MAGI2: variants seen among roughly 807,000 people sequenced by gnomAD.
MAGI2 encodes the protein membrane associated guanylate kinase, WW and PDZ domain containing 2.
Under a neutral mutation model 133.3 loss-of-function variants are expected in MAGI2, and 35 were observed. The ratio of observed to expected loss-of-function variants is 0.26; its 90% CI spans 0.20 to 0.35. The LOEUF (loss-of-function observed/expected upper bound fraction) is 0.35. Ranked by LOEUF, MAGI2 falls within the 10% of genes least tolerant of loss-of-function variation. The pLI is 1.00. For synonymous variants in MAGI2, 729 were observed against 710.6 expected (o/e 1.03, Z -0.41); for missense variants, 1,636 against 1,863.4 (o/e 0.88, Z 2.25).
chr7:78,567,636 C>T (rs1266330445), intron 3 of MAGI2, among the ~76,000 whole-genome samples: 1 of 152,124 alleles, frequency 6.6e-6, no homozygotes, highest in East Asian at 1.9e-4. Flanking sequence ...TTCTCTCTCT[C>T]CCCTACTCAA....
chr7:78,496,574 T>C lies in MAGI2; in HGVS notation c.965+5003A>G, dbSNP rs932564215. On this transcript the variant is annotated intron_variant, in intron 5 of 21. Coordinates refer to ENST00000354212, the MANE Select transcript of MAGI2 (RefSeq NM_012301.4). ...TATAAAACAAATACTATTTGTAATA[T>C]AAAAGTTTACTTTTTTTCTCAGCCA... Among the ~76,000 whole-genome samples, 4 of 152,216 alleles carry C rather than the reference T, an allele frequency of 2.6e-5. No homozygotes were observed. The South Asian group carries it at 6.2e-4, about 24-fold the overall frequency.
chr7:78,789,937 A>T (rs1172900873), intron 2 of MAGI2, among the ~76,000 whole-genome samples: 1 of 152,202 alleles, frequency 6.6e-6, no homozygotes, highest in African/African-American at 2.4e-5. Context: ...TTTGAGAGGC[A>T]GAAATGGACA....
In MAGI2 at chr7:79,361,899, T is replaced by C. The variant is rs755320685; in HGVS notation, c.301+91121A>G. Among the ~76,000 whole-genome samples, 7 of 151,698 alleles carry C rather than the reference T, an allele frequency of 4.6e-5. No individual in the cohort carries two copies. In the South Asian group the frequency reaches 1.5e-3, roughly 32 times the overall value. ...TAAATGAAAACAAAAACATAACATA[T>C]AAAAATATATGGGAAGCAGCTAAGG... On this transcript the variant is annotated intron_variant, in intron 1 of 21. Transcript: ENST00000354212.
intron 2 of MAGI2, among the ~76,000 whole-genome samples, chr7:78,758,796 T>C (rs190258061): frequency 7.9e-5 from 12 of 152,326 alleles, no homozygotes; most frequent in Admixed American, 3.3e-4. Context: ...TCTTCTACAA[T>C]TGAAAGAGTA....
chr7:78,895,720 T>A (rs1797161872), intron 2 of MAGI2, among the ~76,000 whole-genome samples: 1 of 152,188 alleles, frequency 6.6e-6, no homozygotes, highest in Non-Finnish European at 1.5e-5. Flanking sequence ...ATCTGCATAT[T>A]CAAAAGGTTG....
At chr7:79,229,951 C>A (rs1451983981) in intron 1 of MAGI2, among the ~76,000 whole-genome samples, 3 of 112,472 alleles carry the variant, frequency 2.7e-5, no homozygotes, top group Non-Finnish European at 3.5e-5. Context: ...CCCCTCCCCC[C>A]ACCCTCACAG....
At chr7:78,916,539 C>T (rs1798810371) in intron 2 of MAGI2, among the ~76,000 whole-genome samples, 1 of 151,982 alleles carries the variant, frequency 6.6e-6, no homozygotes, top group Non-Finnish European at 1.5e-5. Flanking sequence ...AGTAAATTCA[C>T]CCTATTTGAG....
At chr7:78,117,695 A>G (rs1434096641) in intron 20 of MAGI2, among the ~76,000 whole-genome samples, 1 of 152,174 alleles carries the variant, frequency 6.6e-6, no homozygotes, top group Non-Finnish European at 1.5e-5. Context: ...AAGAAATAAA[A>G]GGACTTAAAG....
At chr7:78,585,153 G>A (rs1803267729) in intron 3 of MAGI2, among the ~76,000 whole-genome samples, 1 of 152,110 alleles carries the variant, frequency 6.6e-6, no homozygotes, top group South Asian at 2.1e-4. Context: ...AATGATTTTT[G>A]TATATAGTTT....
At chr7:78,175,692 A>C (rs1461037644) in intron 14 of MAGI2, among the ~76,000 whole-genome samples, 1 of 152,126 alleles carries the variant, frequency 6.6e-6, no homozygotes, top group Non-Finnish European at 1.5e-5. Context: ...ACATTTGGCA[A>C]ACTTATTTCA....
intron 2 of MAGI2, among the ~76,000 whole-genome samples, chr7:78,966,237 CAGAATTGTTA>C (rs1465221282): frequency 1.3e-5 from 2 of 152,100 alleles, no homozygotes; most frequent in Non-Finnish European, 2.9e-5. Context: ...GTGTGCAAGG[CAGAATTGTTA>C]ACTATATTTA....
intron 1 of MAGI2, among the ~76,000 whole-genome samples, chr7:79,280,781 C>T (rs1835576022): frequency 6.6e-6 from 1 of 151,496 alleles, no homozygotes; most frequent in Admixed American, 6.6e-5. Flanking sequence ...CAAACATAGC[C>T]AGGCATGGTG....
At chr7:79,308,852 T>C (rs1434410376) in intron 1 of MAGI2, among the ~76,000 whole-genome samples, 5 of 152,102 alleles carry the variant, frequency 3.3e-5, no homozygotes, top group Non-Finnish European at 7.4e-5. Context: ...AATCAGAAAA[T>C]AGTAGAAACA....
chr7:78,931,997 GCAAAA>G (rs1175873093), intron 2 of MAGI2, among the ~76,000 whole-genome samples: 324 of 125,370 alleles, frequency 2.6e-3, no homozygotes, highest in Middle Eastern at 8.3e-3. Context: ...CAAAAGGAAG[GCAAAA>G]AAAAAAAAAA....
intron 9 of MAGI2, among the ~76,000 whole-genome samples, chr7:78,289,862 G>A (rs184321413): frequency 3.9e-4 from 59 of 152,242 alleles, no homozygotes; most frequent in African/African-American, 8.4e-4. Flanking sequence ...AGCTTAATAA[G>A]TGAATGAGAA....
chr7:78,579,043 T>TCG, intron 3 of MAGI2, among the ~76,000 whole-genome samples: 1 of 152,320 alleles, frequency 6.6e-6, no homozygotes, highest in South Asian at 2.1e-4. Flanking sequence ...TCTGTGTGGC[T>TCG]CACTCCTTTG....
At chr7:78,322,718 C>T (rs543248848) in intron 9 of MAGI2, among the ~76,000 whole-genome samples, 4 of 152,106 alleles carry the variant, frequency 2.6e-5, no homozygotes, top group Admixed American at 2.0e-4. Flanking sequence ...ATGTAACAAA[C>T]CTGCACGTTC....
intron 21 of MAGI2, among the ~76,000 whole-genome samples, chr7:78,064,186 T>C (rs1813573770): frequency 6.6e-6 from 1 of 152,258 alleles, no homozygotes; most frequent in Non-Finnish European, 1.5e-5. Context: ...TTCTAGCACA[T>C]TGCAACTTTC....
chr7:79,139,665 A>G (rs1326457397), intron 1 of MAGI2, among the ~76,000 whole-genome samples: 11 of 152,324 alleles, frequency 7.2e-5, no homozygotes, highest in African/African-American at 2.2e-4. Flanking sequence ...TGGGAGTACT[A>G]TACACGAATT....
Sources: allele counts gnomAD v4.1 joint callset (sites outside exome capture counted in the v4.1 genomes callset), GRCh38; gene constraint gnomAD v4.1.1; transcripts MANE v1.5; gene names NCBI Gene and HGNC (gene_info 2026-07-23, HGNC 2026-07-21).